PRKN: variants seen among roughly 807,000 people sequenced by gnomAD.
PRKN encodes parkin RBR E3 ubiquitin protein ligase.
A neutral mutation model predicts 59.5 loss-of-function variants in PRKN; 56 were observed. The observed-to-expected ratio is 0.94, with a 90% CI of 0.76 to 1.18. PRKN has a LOEUF of 1.18. Ranked by LOEUF, PRKN falls within the 50% of genes most tolerant of loss-of-function variation. PRKN has a pLI of 0.00. For missense variants in PRKN, 657 were observed against 596.4 expected, an observed-to-expected ratio of 1.10 and a Z score of -1.06; for synonymous variants, 250 against 222.1, an observed-to-expected ratio of 1.13 and a Z score of -1.12.
intron 6 of PRKN, among the ~76,000 whole-genome samples, chr6:161,816,675 C>T (rs1362039146): frequency 6.6e-6 from 1 of 151,740 alleles, no homozygotes; most frequent in African/African-American, 2.4e-5. Flanking sequence ...TTGCAGTGAG[C>T]CGAGATCACG....
intron 4 of PRKN, among the ~76,000 whole-genome samples, chr6:162,144,443 G>A (rs1410793410): frequency 6.6e-6 from 1 of 152,206 alleles, no homozygotes; most frequent in East Asian, 1.9e-4. Context: ...AATGGAGGCA[G>A]AGATTATTCA....
chr6:161,531,052 A>G (rs1779186942), intron 9 of PRKN, among the ~76,000 whole-genome samples: 1 of 152,168 alleles, frequency 6.6e-6, no homozygotes, highest in South Asian at 2.1e-4. Context: ...CCTGAATGCA[A>G]GTTCCGTAAG....
At chr6:162,002,133 C>A (rs761245248) in intron 5 of PRKN, among the ~76,000 whole-genome samples, 14 of 152,034 alleles carry the variant, frequency 9.2e-5, no homozygotes, top group South Asian at 4.2e-4. Flanking sequence ...CTTGCAATAT[C>A]TTTCTCTGTT....
intron 9 of PRKN, among the ~76,000 whole-genome samples, chr6:161,472,552 C>A (rs1380611417): frequency 6.6e-6 from 1 of 152,132 alleles, no homozygotes. Flanking sequence ...GAAATCATAA[C>A]ATTCCTAGTA....
At chr6:162,133,265 G>C (rs553602825) in intron 4 of PRKN, among the ~76,000 whole-genome samples, 1 of 152,304 alleles carries the variant, frequency 6.6e-6, no homozygotes, top group African/African-American at 2.4e-5. Context: ...AGAAGTGAGG[G>C]ATCTGTGAAG....
At chr6:162,608,927 C>T (rs908259987) in intron 1 of PRKN, among the ~76,000 whole-genome samples, 4 of 152,190 alleles carry the variant, frequency 2.6e-5, no homozygotes, top group Non-Finnish European at 4.4e-5. Context: ...GGGTCAGTAG[C>T]ACAGGGGAGA....
intron 7 of PRKN, among the ~76,000 whole-genome samples, chr6:161,763,493 A>C (rs1478188464): frequency 4.6e-5 from 7 of 152,060 alleles, no homozygotes; most frequent in Admixed American, 2.6e-4. Flanking sequence ...AACATCTTGC[A>C]GGAGTTGACG....
chr6:162,686,152 A>C (rs567111574), intron 1 of PRKN, among the ~76,000 whole-genome samples: 2 of 152,308 alleles, frequency 1.3e-5, no homozygotes, highest in Non-Finnish European at 2.9e-5. Context: ...TTTTCTCTAA[A>C]ATATAGGAAG....
chr6:162,556,799 C>G (rs1403724621), intron 1 of PRKN, among the ~76,000 whole-genome samples: 1 of 148,036 alleles, frequency 6.8e-6, no homozygotes, highest in African/African-American at 2.5e-5. Flanking sequence ...CAGGAGAATG[C>G]AAGTGATTAT....
Position 161,393,427 on chromosome 6 carries a change from T to C in PRKN, c.1084-6550A>G, listed in dbSNP as rs1283108344. ...TGAGGCCTCTCTTTGCTGGTATACA[T>C]GCTGAGGTAAGTCACTGTCAGCCCC... On this transcript the variant is annotated intron_variant, in intron 9 of 11. Transcript: ENST00000366898. The surrounding 1 kb of genome is among the most constrained non-coding windows in gnomAD (Gnocchi z 4.7). Among the ~76,000 whole-genome samples, 1 of 152,164 alleles carries C rather than the reference T, an allele frequency of 6.6e-6. No individual in the cohort carries two copies. The highest frequency in any genetic ancestry group is 2.4e-5 in the African/African-American group (1 of 41,406).
chr6:161,406,395 TA>T (rs1787279947), intron 9 of PRKN, among the ~76,000 whole-genome samples: 1 of 152,118 alleles, frequency 6.6e-6, no homozygotes, highest in African/African-American at 2.4e-5. Context: ...ACCAAAAACG[TA>T]AGGTGGTTGC....
chr6:161,783,689 A>C, intron 7 of PRKN: 1 of 509,158 alleles, frequency 2.0e-6, no homozygotes, highest in South Asian at 1.5e-5. Flanking sequence ...AGGCTTACCA[A>C]AACAAAATTG....
At position 162,056,549 on chromosome 6, in the gene PRKN, A is replaced by C. The variant is rs1399076900; in HGVS notation, c.535-2375T>G. Among the ~76,000 whole-genome samples, 1 of 152,162 alleles carries C rather than the reference A, an allele frequency of 6.6e-6. No individual in the cohort carries two copies. The highest frequency in any genetic ancestry group is 6.5e-5 in the Admixed American group (1 of 15,276). ...ATCATTAATCCAAAGGCCACCGCTTAATATGGAGGTAAATTTGCAGAAGAG... is the reference window on the plus strand; with the variant it reads ...ATCATTAATCCAAAGGCCACCGCTTCATATGGAGGTAAATTTGCAGAAGAG... On this transcript the variant is annotated intron_variant, in intron 4 of 11. Transcript: ENST00000366898. This position sits in a 1 kb window ranked among gnomAD's most constrained non-coding sequence, Gnocchi z 4.9.
At chr6:161,437,288 T>A (rs1046353434) in intron 9 of PRKN, among the ~76,000 whole-genome samples, 3 of 152,142 alleles carry the variant, frequency 2.0e-5, no homozygotes, top group African/African-American at 7.2e-5. Flanking sequence ...AGATGGCTAC[T>A]AAGTGACTTC....
intron 7 of PRKN, among the ~76,000 whole-genome samples, chr6:161,773,740 A>T (rs1217567371): frequency 6.6e-6 from 1 of 152,206 alleles, no homozygotes; most frequent in Non-Finnish European, 1.5e-5. Flanking sequence ...AATTATTTTT[A>T]TTCTCTCTGC....
chr6:162,097,167 T>A (rs562001888), intron 4 of PRKN, among the ~76,000 whole-genome samples: 1 of 152,178 alleles, frequency 6.6e-6, no homozygotes, highest in African/African-American at 2.4e-5. Context: ...TGAGCCACTG[T>A]ACCTGGCCAA....
chr6:162,008,996 T>C (rs1782373187), intron 5 of PRKN, among the ~76,000 whole-genome samples: 1 of 151,990 alleles, frequency 6.6e-6, no homozygotes, highest in African/African-American at 2.4e-5. Context: ...GGCTCACGCC[T>C]GTAATCCCAG....
intron 4 of PRKN, among the ~76,000 whole-genome samples, chr6:162,097,148 C>T (rs902387731): frequency 3.3e-5 from 5 of 151,998 alleles, no homozygotes; most frequent in African/African-American, 4.8e-5. Flanking sequence ...AGTGCTGGGA[C>T]TACAGGCGTG....
intron 7 of PRKN, among the ~76,000 whole-genome samples, chr6:161,631,785 ACACACACACCC>A (rs1783323053): frequency 6.7e-6 from 1 of 149,930 alleles, no homozygotes; most frequent in South Asian, 2.1e-4. Context: ...ACACACACAC[ACACACACACCC>A]CACACACACA....
Sources: gnomAD v4.1 joint callset for allele counts (sites outside exome capture counted in the v4.1 genomes callset) on GRCh38, gnomAD v4.1.1 for gene constraint, Gnocchi (gnomAD v3.1) non-coding constraint, MANE v1.5 for transcripts, NCBI Gene and HGNC (gene_info 2026-07-23, HGNC 2026-07-21) for gene names.